The following LIMCH1 variants were observed in gnomAD, a reference collection of about 807,000 sequenced individuals.
LIMCH1 encodes the protein LIM and calponin homology domains-containing protein 1.
Under a neutral mutation model 176.5 loss-of-function variants are expected in LIMCH1, and 113 were observed. The observed-to-expected ratio is 0.64, with a 90% CI of 0.55 to 0.75. The LOEUF (loss-of-function observed/expected upper bound fraction) is 0.75, where lower values mean the gene tolerates loss of function less well. LIMCH1 is among the 30% of genes least tolerant of loss of function. The pLI, the probability that LIMCH1 is intolerant of heterozygous loss-of-function variation, is 0.00. For missense variants in LIMCH1, 1,674 were observed against 1,814.9 expected (o/e 0.92, Z 1.41); for synonymous variants, 619 against 645.9 (o/e 0.96, Z 0.63).
intron 1 of LIMCH1, among the ~76,000 whole-genome samples, chr4:41,469,802 C>T (rs2066686442): frequency 6.6e-6 from 1 of 152,024 alleles, no homozygotes; most frequent in African/African-American, 2.4e-5. Flanking sequence ...CTGCCTCAGC[C>T]TCCCGAGTAG....
chr4:41,622,985 G>C (rs377401960), intron 7 of LIMCH1, among the ~76,000 whole-genome samples: 7 of 152,298 alleles, frequency 4.6e-5, no homozygotes, highest in Admixed American at 1.3e-4. Context: ...AGATTTTTCA[G>C]CTGCCAGCCA....
chr4:41,364,443 C>A (rs1159243053), intron 1 of LIMCH1, among the ~76,000 whole-genome samples: 1 of 152,046 alleles, frequency 6.6e-6, no homozygotes, highest in Non-Finnish European at 1.5e-5. Context: ...CACCAGATTT[C>A]CCGGGTAGAA....
chr4:41,676,324 C>A, intron 22 of LIMCH1, 58 bp from the exon 23 acceptor site: 1 of 1,399,000 alleles, frequency 7.1e-7, no homozygotes, highest in Non-Finnish European at 1.0e-6. Context: ...ACTCTTCACC[C>A]GGCCTGTCCC....
intron 1 of LIMCH1, among the ~76,000 whole-genome samples, chr4:41,591,242 T>G (rs28674638): frequency 0.075 from 11,231 of 150,382 alleles, 1,378 homozygotes; most frequent in African/African-American, 0.26. Flanking sequence ...TTTCTTTCTT[T>G]CTTGCTTGCT....
chr4:41,427,079 G>A (rs2061176751), intron 1 of LIMCH1, among the ~76,000 whole-genome samples: 1 of 152,148 alleles, frequency 6.6e-6, no homozygotes, highest in South Asian at 2.1e-4. Context: ...TTGATCATTG[G>A]CACCTCCTGA....
intron 22 of LIMCH1, among the ~76,000 whole-genome samples, chr4:41,673,623 T>C (rs2095123391): frequency 6.6e-6 from 1 of 152,126 alleles, no homozygotes. Context: ...CCAGAGGCCC[T>C]CGGGACTATG....
At chr4:41,689,672 C>A in intron 30 of LIMCH1, 37 bp downstream of exon 30, 1 of 1,269,638 alleles carries the variant, frequency 7.9e-7, no homozygotes. Flanking sequence ...GACACAACTT[C>A]ATGATGTCTT....
At chr4:41,674,314 T>G (rs1213826903) in intron 22 of LIMCH1, among the ~76,000 whole-genome samples, 1 of 152,258 alleles carries the variant, frequency 6.6e-6, no homozygotes, top group East Asian at 1.9e-4. Context: ...TGGAGTTTCC[T>G]CAGTGTTTTT....
intron 2 of LIMCH1, among the ~76,000 whole-genome samples, chr4:41,494,939 C>G (rs1032519886): frequency 6.6e-6 from 1 of 152,116 alleles, no homozygotes; most frequent in Non-Finnish European, 1.5e-5. Flanking sequence ...ACTTTTCTCC[C>G]CTTTTAAATC....
intron 1 of LIMCH1, among the ~76,000 whole-genome samples, chr4:41,467,702 A>G (rs2066355132): frequency 6.6e-6 from 1 of 152,232 alleles, no homozygotes; most frequent in Non-Finnish European, 1.5e-5. Context: ...ATTTTGTCCT[A>G]AGGAGAATTC....
At chr4:41,375,558 A>G (rs1243236581) in intron 1 of LIMCH1, among the ~76,000 whole-genome samples, 1 of 152,150 alleles carries the variant, frequency 6.6e-6, no homozygotes, top group Non-Finnish European at 1.5e-5. Context: ...TTTCCCATTT[A>G]ATTTCATATT....
intron 1 of LIMCH1, among the ~76,000 whole-genome samples, chr4:41,469,057 A>G (rs2066566301): frequency 6.6e-6 from 1 of 152,182 alleles, no homozygotes; most frequent in African/African-American, 2.4e-5. Flanking sequence ...GATATTTGTA[A>G]TGATGTTGCA....
chr4:41,477,234 G>A (rs993933938), intron 1 of LIMCH1, among the ~76,000 whole-genome samples: 3 of 152,144 alleles, frequency 2.0e-5, no homozygotes, highest in African/African-American at 7.2e-5. Context: ...TTATATCCAG[G>A]CTCCTGATAG....
intron 1 of LIMCH1, among the ~76,000 whole-genome samples, chr4:41,463,726 C>T (rs1341264725): frequency 1.3e-5 from 2 of 151,866 alleles, no homozygotes; most frequent in African/African-American, 2.4e-5. Flanking sequence ...TACAGGTGCG[C>T]GCTACCATGT....
chr4:41,607,572 G>A (rs2090892178), intron 4 of LIMCH1, among the ~76,000 whole-genome samples: 1 of 152,108 alleles, frequency 6.6e-6, no homozygotes, highest in Non-Finnish European at 1.5e-5. Flanking sequence ...AATAATAGAT[G>A]GGTCATGAAG....
chr4:41,430,137 A>G (rs1168655121), intron 1 of LIMCH1, among the ~76,000 whole-genome samples: 1 of 152,222 alleles, frequency 6.6e-6, no homozygotes, highest in Non-Finnish European at 1.5e-5. Flanking sequence ...GGGCACAAAG[A>G]TGAATGGAGT....
intron 2 of LIMCH1, among the ~76,000 whole-genome samples, chr4:41,507,910 A>T (rs987003768): frequency 1.3e-5 from 2 of 152,182 alleles, no homozygotes; most frequent in Non-Finnish European, 2.9e-5. Flanking sequence ...ACTGTGTGGG[A>T]TATAAATCTC....
chr4:41,448,697 A>C (rs1402101928), intron 1 of LIMCH1, among the ~76,000 whole-genome samples: 1 of 152,178 alleles, frequency 6.6e-6, no homozygotes, highest in African/African-American at 2.4e-5. Context: ...TATGACTTTG[A>C]AAGGAGACCT....
At chr4:41,596,609 T>C (rs2088869971) in intron 1 of LIMCH1, among the ~76,000 whole-genome samples, 1 of 152,222 alleles carries the variant, frequency 6.6e-6, no homozygotes, top group Non-Finnish European at 1.5e-5. Context: ...ATGGACTCTG[T>C]ATCACCACTT....
Sources: gnomAD v4.1 joint callset for allele counts (sites outside exome capture counted in the v4.1 genomes callset) on GRCh38, gnomAD v4.1.1 for gene constraint, MANE v1.5 for transcripts, NCBI Gene and HGNC (gene_info 2026-07-23, HGNC 2026-07-21) for gene names.